DYNC2I1: variants seen among roughly 807,000 people sequenced by gnomAD.
DYNC2I1 encodes dynein 2 intermediate chain 1, also known as cytoplasmic dynein 2 intermediate chain 1.
DYNC2I1 carries 89 observed loss-of-function variants against 133.4 expected under a neutral mutation model. The ratio of observed to expected loss-of-function variants is 0.67; its 90% CI spans 0.56 to 0.80. DYNC2I1 has a LOEUF of 0.80. DYNC2I1 is among the 30% of genes least tolerant of loss of function. DYNC2I1 has a pLI of 0.00. For synonymous variants in DYNC2I1, 504 were observed against 484.3 expected, an observed-to-expected ratio of 1.04 and a Z score of -0.54; for missense variants, 1,291 against 1,314.5, an observed-to-expected ratio of 0.98 and a Z score of 0.28.
rs145342621 is a variant in DYNC2I1, at chr7:158,941,791, T to C, written c.2779-134T>C. The C allele has an allele frequency of 4.4e-5, 42 of 959,780 alleles. No individual in the cohort carries two copies. In the Admixed American group the frequency reaches 6.3e-4, roughly 14 times the overall value. 59.5% of individuals were successfully genotyped at this position (959,780 alleles called of 1,614,324 possible). On this transcript the variant is annotated intron_variant, in intron 23 of 24. Transcript: ENST00000407559. ...TACTCAGGAGGCCGAGGCAGGAGGA[T>C]TGATTGAGCCCGGGAGGTCAAGCTG...
chr7:158,947,055 G>T (rs1244298811), downstream of DYNC2I1, among the ~76,000 whole-genome samples: 1 of 152,240 alleles, frequency 6.6e-6, no homozygotes, highest in Non-Finnish European at 1.5e-5. Context: ...GAAACTGTTG[G>T]CCGCTGAATT....
chr7:158,866,657 G>A (rs1026740333), intron 1 of DYNC2I1, among the ~76,000 whole-genome samples: 22 of 151,890 alleles, frequency 1.4e-4, no homozygotes, highest in African/African-American at 5.3e-4. Flanking sequence ...GGCCGAGGTG[G>A]GGGGCTCACC....
At chr7:158,929,158 C>T (rs565809276) in intron 20 of DYNC2I1, among the ~76,000 whole-genome samples, 6 of 152,342 alleles carry the variant, frequency 3.9e-5, no homozygotes, top group South Asian at 2.1e-4. Flanking sequence ...GAAGGGAGGA[C>T]GTTCCGACCA....
chr7:158,902,583 G>T lies in DYNC2I1; in HGVS notation c.1345G>T (p.Glu449Ter). ...GCGAGGTAGAACAGAATTTGAAAAG[G>T]AGCCCAGGACAGGTAAACAAATCAA... is the stretch of plus-strand genomic sequence containing the variant. Reference protein sequence around the residue: ...QKRGRTEFEKEPRTDTNSSPS... With the variant: ...QKRGRTEFEK The change falls in exon 10 of 25, where the codon GAG (glutamate) becomes TAG (stop). Residue 449 changes from glutamate (E) to a stop codon, truncating the protein, a stop_gained. Coordinates refer to ENST00000407559, the MANE Select transcript of DYNC2I1 (RefSeq NM_018051.5). LOFTEE classifies it high-confidence loss of function. 3 of 1,613,904 alleles carry T rather than the reference G, an allele frequency of 1.9e-6. No homozygotes were observed. The highest frequency in any genetic ancestry group is 2.5e-6 in the Non-Finnish European group (3 of 1,179,870).
intron 8 of DYNC2I1, among the ~76,000 whole-genome samples, chr7:158,896,988 T>C (rs112532787): frequency 6.7e-6 from 1 of 149,434 alleles, no homozygotes; most frequent in Non-Finnish European, 1.5e-5. Context: ...ATAATTTCTT[T>C]TTTTTTTTTT....
downstream of DYNC2I1, among the ~76,000 whole-genome samples, chr7:158,957,009 T>TC (rs1010664170): frequency 2.0e-5 from 3 of 146,602 alleles, no homozygotes; most frequent in African/African-American, 7.6e-5. Flanking sequence ...TTTGTTGATC[T>TC]CTGTCCTCTC....
chr7:158,853,698 A>G (rs923926988), upstream of DYNC2I1, among the ~76,000 whole-genome samples: 2 of 148,426 alleles, frequency 1.3e-5, no homozygotes, highest in Admixed American at 6.8e-5. Context: ...CTTGTTGCCC[A>G]GGCTGGAGTG....
chr7:158,941,922 T>C lies in DYNC2I1; in HGVS notation c.2779-3T>C, dbSNP rs779886124. The C allele has an allele frequency of 6.3e-7, 1 of 1,595,686 alleles. No individual in the cohort carries two copies. The highest frequency in any genetic ancestry group is 1.1e-5 in the South Asian group (1 of 88,642). ...CAGCAGTGTTCTTTCTTCCTGGTCATAGGCCGGCTGTTCGGACGGAAGCAT... is the reference window on the plus strand; with the variant it reads ...CAGCAGTGTTCTTTCTTCCTGGTCACAGGCCGGCTGTTCGGACGGAAGCAT... On this transcript the variant is annotated splice_polypyrimidine_tract_variant and splice_region_variant and intron_variant, in intron 23 of 24. Coordinates refer to ENST00000407559, the MANE Select transcript of DYNC2I1 (RefSeq NM_018051.5).
chr7:158,917,071 G>A (rs570768302), intron 14 of DYNC2I1, among the ~76,000 whole-genome samples: 1 of 123,834 alleles, frequency 8.1e-6, no homozygotes, highest in South Asian at 2.5e-4. Context: ...TTGACATTAA[G>A]GATGATTGTG....
the DYNC2I1 span, among the ~76,000 whole-genome samples, chr7:158,850,520 G>A: frequency 6.6e-6 from 1 of 152,256 alleles, no homozygotes; most frequent in Non-Finnish European, 1.5e-5. Context: ...CAGCTGGTGT[G>A]GTGGCATTAG....
At chr7:158,926,093 C>G in intron 17 of DYNC2I1, 94 bp from the exon 18 acceptor site, 1 of 960,806 alleles carries the variant, frequency 1.0e-6, no homozygotes, top group Non-Finnish European at 1.6e-6. Context: ...ATCTGTGAGA[C>G]CCAGAAGCAC....
At chr7:158,862,738 C>T (rs1396462208) in intron 1 of DYNC2I1, among the ~76,000 whole-genome samples, 1 of 151,974 alleles carries the variant, frequency 6.6e-6, no homozygotes, top group African/African-American at 2.4e-5. Context: ...AAGAATGAAG[C>T]CACAGACCCT....
chr7:158,953,343 T>A (rs1487485073), intron 4 of DYNC2I1, among the ~76,000 whole-genome samples: 1 of 152,172 alleles, frequency 6.6e-6, no homozygotes, highest in Non-Finnish European at 1.5e-5. Context: ...TGACACTGAA[T>A]TCTAAAGTCT....
chr7:158,913,967 C>T (rs1847752317), intron 13 of DYNC2I1, among the ~76,000 whole-genome samples: 1 of 152,202 alleles, frequency 6.6e-6, no homozygotes, highest in East Asian at 1.9e-4. Context: ...GCCTCGGCCA[C>T]CCAAAGTGCT....
rs754304837 is a variant in DYNC2I1, at chr7:158,871,252, C to T, written c.180C>T (p.Pro60=). The part of the protein sequence containing the change: ...PEHKEPRCRD[P]DQDARSRDRV... ...ATAAGGAGCCGAGGTGCAGGGATCC[C>T]GACCAGGATGCCAGGAGCAGAGACA... The change falls in exon 3 of 25, where the codon CCC becomes CCT. Residue 60 remains proline, a synonymous_variant. Transcript: ENST00000407559. 125 of 1,608,974 alleles carry T rather than the reference C, an allele frequency of 7.8e-5. No individual in the cohort carries two copies. The highest frequency in any genetic ancestry group is 2.2e-4 in the East Asian group (10 of 44,776).
chr7:158,846,565 T>C, the DYNC2I1 span, among the ~76,000 whole-genome samples: 1 of 152,158 alleles, frequency 6.6e-6, no homozygotes, highest in Non-Finnish European at 1.5e-5. Context: ...AAATAAATTA[T>C]AATAGTCTTT....
intron 1 of DYNC2I1, among the ~76,000 whole-genome samples, chr7:158,863,261 C>G (rs1396465259): frequency 6.6e-6 from 1 of 152,056 alleles, no homozygotes; most frequent in Non-Finnish European, 1.5e-5. Context: ...AAACCTTTAG[C>G]TAGACGCAGA....
chr7:158,938,105 A>C (rs1046305099), intron 23 of DYNC2I1, among the ~76,000 whole-genome samples: 1 of 152,242 alleles, frequency 6.6e-6, no homozygotes, highest in African/African-American at 2.4e-5. Context: ...ATCAATATCC[A>C]GGTATAGGAA....
intron 4 of DYNC2I1, among the ~76,000 whole-genome samples, chr7:158,879,136 G>T (rs1052150056): frequency 6.6e-6 from 1 of 152,268 alleles, no homozygotes. Flanking sequence ...TGTGGCGTTG[G>T]GGTGACAGCA....
Sources: gnomAD v4.1 joint callset for allele counts (sites outside exome capture counted in the v4.1 genomes callset) on GRCh38, gnomAD v4.1.1 for gene constraint, MANE v1.5 for transcripts, NCBI Gene and HGNC (gene_info 2026-07-23, HGNC 2026-07-21) for gene names.